TRAPPC8: variants seen among roughly 807,000 people sequenced by gnomAD.
TRAPPC8 encodes the protein trafficking protein particle complex subunit 8.
A neutral mutation model predicts 174.3 loss-of-function variants in TRAPPC8; 54 were observed. The ratio of observed to expected loss-of-function variants is 0.31; its 90% CI spans 0.25 to 0.39. The LOEUF (loss-of-function observed/expected upper bound fraction) is 0.39, where lower values mean the gene tolerates loss of function less well. TRAPPC8 is among the 10% of genes least tolerant of loss of function. The pLI is 1.00. For missense variants in TRAPPC8, 1,531 were observed against 1,699.1 expected, an observed-to-expected ratio of 0.90 and a Z score of 1.74; for synonymous variants, 630 against 579.9, an observed-to-expected ratio of 1.09 and a Z score of -1.24.
intron 1 of TRAPPC8, among the ~76,000 whole-genome samples, chr18:31,932,674 G>C (rs1420580442): frequency 6.6e-6 from 1 of 152,062 alleles, no homozygotes; most frequent in Admixed American, 6.6e-5. Context: ...ATGTTCCACA[G>C]TAGCATTAAA....
chr18:31,916,073 AAG>A (rs1246932352), intron 4 of TRAPPC8, among the ~76,000 whole-genome samples, 197 bp downstream of exon 4: 1 of 151,572 alleles, frequency 6.6e-6, no homozygotes, highest in East Asian at 1.9e-4. Context: ...AAAAAAAAAA[AAG>A]AAATCTAACA....
chr18:31,933,472 C>T (rs186215449), intron 1 of TRAPPC8, among the ~76,000 whole-genome samples: 65 of 152,246 alleles, frequency 4.3e-4, no homozygotes, highest in African/African-American at 1.5e-3. Context: ...ATCTACTTCA[C>T]GGGATCATTT....
At chr18:31,887,126 T>G (rs994478006) in intron 12 of TRAPPC8, among the ~76,000 whole-genome samples, 1 of 152,172 alleles carries the variant, frequency 6.6e-6, no homozygotes, top group African/African-American at 2.4e-5. Context: ...AGTTGGTGCT[T>G]GTCATCAAAA....
chr18:31,919,139 T>A (rs992279547), intron 2 of TRAPPC8, among the ~76,000 whole-genome samples: 2 of 152,172 alleles, frequency 1.3e-5, no homozygotes, highest in African/African-American at 4.8e-5. Context: ...ACCCATATAT[T>A]ACATATAGTC....
At chr18:31,868,748 G>A (rs1395692700) in intron 16 of TRAPPC8, among the ~76,000 whole-genome samples, 1 of 151,682 alleles carries the variant, frequency 6.6e-6, no homozygotes, top group Non-Finnish European at 1.5e-5. Flanking sequence ...TGTCTCCCAG[G>A]CTGGAGTACA....
At chr18:31,873,408 G>C (rs779310396) in intron 14 of TRAPPC8, 22 bp downstream of exon 14, 1 of 1,566,856 alleles carries the variant, frequency 6.4e-7, no homozygotes, top group Non-Finnish European at 8.7e-7. Context: ...TAGGTAATTA[G>C]GCTAAATAAA....
rs1022278844 is a variant in TRAPPC8 at position 31,909,548 on chromosome 18, C to T, written c.865+119G>A. On this transcript the variant is annotated intron_variant, in intron 6 of 28. Transcript: ENST00000283351. Reference sequence around the variant, plus strand: ...ATCTTCAGAAGAAAAACTAACCTGCCCAATATCTTTCTGTATTATGAAAAA... The same window carrying T: ...ATCTTCAGAAGAAAAACTAACCTGCTCAATATCTTTCTGTATTATGAAAAA... 7.7e-6 allele frequency: 11 copies of T among 1,430,686 alleles called. No homozygotes were observed. In the African/African-American group the frequency reaches 1.2e-4, roughly 15 times the overall value. The allele number at this position is 1,430,686 out of a possible 1,614,324, so 88.6% of individuals were successfully genotyped here.
chr18:31,911,281 C>G (rs1379346735), intron 5 of TRAPPC8, among the ~76,000 whole-genome samples: 1 of 152,132 alleles, frequency 6.6e-6, no homozygotes, highest in African/African-American at 2.4e-5. Flanking sequence ...CTCTGGGAGG[C>G]TGAGGCGTGT....
intron 27 of TRAPPC8, among the ~76,000 whole-genome samples, chr18:31,836,450 A>G (rs972956550): frequency 1.3e-5 from 2 of 152,178 alleles, no homozygotes; most frequent in African/African-American, 4.8e-5. Flanking sequence ...CTAGCCTCTC[A>G]ATGCAGCAAA....
At chr18:31,910,381 G>T (rs984328150) in intron 5 of TRAPPC8, among the ~76,000 whole-genome samples, 3 of 152,108 alleles carry the variant, frequency 2.0e-5, no homozygotes, top group African/African-American at 7.2e-5. Context: ...ACATAAACTA[G>T]AACTCAAGAA....
intron 20 of TRAPPC8, among the ~76,000 whole-genome samples, chr18:31,857,280 C>T (rs1025186343): frequency 6.6e-6 from 1 of 152,126 alleles, no homozygotes; most frequent in Non-Finnish European, 1.5e-5. Flanking sequence ...GCTCTGTCTA[C>T]AGTACTTAAA....
intron 1 of TRAPPC8, among the ~76,000 whole-genome samples, chr18:31,940,214 C>A (rs138685802): frequency 1.3e-5 from 2 of 152,138 alleles, no homozygotes; most frequent in African/African-American, 2.4e-5. Flanking sequence ...CGGTGGCTCA[C>A]GCCTGTAATC....
chr18:31,837,857 C>T (rs1189568033), intron 27 of TRAPPC8, among the ~76,000 whole-genome samples: 3 of 150,550 alleles, frequency 2.0e-5, no homozygotes, highest in Admixed American at 6.6e-5. Flanking sequence ...CTTACTAACA[C>T]AGTATTAAAT....
At chr18:31,833,577 A>G (rs538778003) in intron 27 of TRAPPC8, among the ~76,000 whole-genome samples, 4 of 152,274 alleles carry the variant, frequency 2.6e-5, no homozygotes, top group South Asian at 4.1e-4. Context: ...TAGCACCACA[A>G]TGCAATCTAT....
intron 22 of TRAPPC8, among the ~76,000 whole-genome samples, 189 bp downstream of exon 22, chr18:31,853,660 G>A (rs2033836459): frequency 6.6e-6 from 1 of 152,138 alleles, no homozygotes; most frequent in South Asian, 2.1e-4. Flanking sequence ...AGATGTGGGA[G>A]GGAATTTAAA....
chr18:31,935,559 A>AAAAAAAAAAAAAAAC lies in TRAPPC8; in HGVS notation c.158-4037_158-4036insGTTTTTTTTTTTTTT, dbSNP rs1296194926. Among the ~76,000 whole-genome samples, 27 of 145,014 alleles carry AAAAAAAAAAAAAAAC rather than the reference A, an allele frequency of 1.9e-4. 2 individuals are homozygous for AAAAAAAAAAAAAAAC. The highest frequency in any genetic ancestry group is 6.7e-4 in the African/African-American group (26 of 39,012). On this transcript the variant is annotated intron_variant, in intron 1 of 28. Coordinates refer to ENST00000283351, the MANE Select transcript of TRAPPC8 (RefSeq NM_014939.5). Reference sequence around the variant, plus strand: ...GCGAAACTCCATCTTAAAAAAAAAAAAAAAAAAAAGCAGGCTTTATGAACA... The same window carrying AAAAAAAAAAAAAAAC: ...GCGAAACTCCATCTTAAAAAAAAAAAAAAAAAAAAAAAAACAAAAAAAAAGCAGGCTTTATGAACA...
intron 28 of TRAPPC8, among the ~76,000 whole-genome samples, chr18:31,831,570 C>G (rs1272383753): frequency 6.6e-6 from 1 of 152,058 alleles, no homozygotes; most frequent in Non-Finnish European, 1.5e-5. Context: ...AAACTTTTAA[C>G]TCCTTAGTTA....
At chr18:31,893,842 AAAAAT>A (rs145596277) in intron 11 of TRAPPC8, among the ~76,000 whole-genome samples, 3,381 of 152,184 alleles carry the variant, frequency 0.022, 116 homozygotes, top group African/African-American at 0.076. Context: ...ACACACACGA[AAAAAT>A]AAAATAAAAT....
rs2032249855 is a variant in TRAPPC8 at position 31,829,733 on chromosome 18, C to G, written c.*1022G>C. ...CCCATCTGCTCCAGACTTGACTGAC[C>G]CTGGCTCTTGTACTCCCTGCCACCC... On this transcript the variant is annotated 3_prime_UTR_variant, in exon 29 of 29. Transcript: ENST00000283351. 1 of 152,292 alleles carries G rather than the reference C, an allele frequency of 6.6e-6. No homozygotes were observed. The highest frequency in any genetic ancestry group is 6.5e-5 in the Admixed American group (1 of 15,282). The allele number at this position is 152,292 out of a possible 1,614,324, so 9.4% of individuals were successfully genotyped here. A position where few individuals can be genotyped will look rare whatever the true frequency, so the allele number is the denominator to read the frequency against.
Sources: gnomAD v4.1 joint callset for allele counts (sites outside exome capture counted in the v4.1 genomes callset) on GRCh38, gnomAD v4.1.1 for gene constraint, MANE v1.5 for transcripts, NCBI Gene and HGNC (gene_info 2026-07-23, HGNC 2026-07-21) for gene names.